RBMS3: variants seen among roughly 807,000 people sequenced by gnomAD.
RBMS3 encodes the protein RNA binding motif single stranded interacting protein 3.
A neutral mutation model predicts 66.8 loss-of-function variants in RBMS3; 27 were observed. The ratio of observed to expected loss-of-function variants is 0.40; its 90% CI spans 0.30 to 0.56. RBMS3 has a LOEUF of 0.56. Ranked by LOEUF, RBMS3 falls within the 20% of genes least tolerant of loss-of-function variation. RBMS3 has a pLI of 0.40. For synonymous variants in RBMS3, 188 were observed against 183.0 expected, an observed-to-expected ratio of 1.03 and a Z score of -0.22; for missense variants, 513 against 549.5, an observed-to-expected ratio of 0.93 and a Z score of 0.66.
At chr3:29,824,690 A>T (rs1310876060) in intron 6 of RBMS3, among the ~76,000 whole-genome samples, 1 of 152,200 alleles carries the variant, frequency 6.6e-6, no homozygotes, top group African/African-American at 2.4e-5. Flanking sequence ...GGTGAGGGTT[A>T]TATGTGTACA....
intron 3 of RBMS3, among the ~76,000 whole-genome samples, chr3:29,563,483 C>T (rs1393977700): frequency 1.2e-4 from 18 of 152,196 alleles, no homozygotes; most frequent in Non-Finnish European, 1.5e-5. Flanking sequence ...CAACAGCTAG[C>T]TGAAACCTCA....
rs5847581 is a variant in RBMS3 at position 29,580,682 on chromosome 3, T to TATAATA, written c.308-6409_308-6404dup. 1.5e-3 allele frequency among the ~76,000 whole-genome samples: 216 copies of TATAATA among 147,668 alleles called. 1 individual carries two copies. Among genetic ancestry groups the TATAATA allele is most frequent in the African/African-American group, 4.2e-3 (169 of 40,434 alleles). On this transcript the variant is annotated intron_variant, in intron 3 of 14. Coordinates refer to ENST00000383767, the MANE Select transcript of RBMS3 (RefSeq NM_001003793.3). ...AGTAGATGCTTAGTAAATTTAATAA[T>TATAATA]ATAATAATAATAATAATAATAATAA...
intron 4 of RBMS3, among the ~76,000 whole-genome samples, chr3:29,667,331 A>G (rs935981921): frequency 3.9e-5 from 6 of 152,152 alleles, no homozygotes; most frequent in African/African-American, 1.2e-4. Flanking sequence ...AATCTAATCT[A>G]TCCCAGTGGT....
intron 4 of RBMS3, among the ~76,000 whole-genome samples, chr3:29,641,826 C>G (rs116102135): frequency 6.6e-6 from 1 of 152,130 alleles, no homozygotes; most frequent in African/African-American, 2.4e-5. Context: ...ATGCTAAAGT[C>G]AGTGGTGTCC....
Position 30,006,599 on chromosome 3 carries a change from A to T in RBMS3, c.*2737A>T, listed in dbSNP as rs955873182. On this transcript the variant is annotated 3_prime_UTR_variant, in exon 15 of 15. Transcript: ENST00000383767. ...GGGCCCCAAAGTTTTTTGGGGTACAAAAAGACATGTATGAGAACCATATTT... is the reference window on the plus strand; with the variant it reads ...GGGCCCCAAAGTTTTTTGGGGTACATAAAGACATGTATGAGAACCATATTT... 2 of 151,928 alleles carry T rather than the reference A, an allele frequency of 1.3e-5. No homozygotes were observed. The highest frequency in any genetic ancestry group is 4.8e-5 in the African/African-American group (2 of 41,412). The allele number at this position is 151,928 out of a possible 1,614,324, so 9.4% of individuals were successfully genotyped here. A position where few individuals can be genotyped will look rare whatever the true frequency, so the allele number is the denominator to read the frequency against.
Position 29,397,809 on chromosome 3 carries a change from G to A in RBMS3, c.76-36934G>A, listed in dbSNP as rs542072097. Among the ~76,000 whole-genome samples, 13 of 152,040 alleles carry A rather than the reference G, an allele frequency of 8.6e-5. No individual in the cohort carries two copies. The South Asian group carries it at 1.0e-3, about 12-fold the overall frequency. ...AGCAATCCACCTGCCTCAGCCTCCC[G>A]AGCAGCTGGAACTATAGATGCATGT... On this transcript the variant is annotated intron_variant, in intron 1 of 14. Coordinates refer to ENST00000383767, the MANE Select transcript of RBMS3 (RefSeq NM_001003793.3).
At chr3:29,494,490 A>G (rs2043665796) in intron 3 of RBMS3, among the ~76,000 whole-genome samples, 1 of 152,230 alleles carries the variant, frequency 6.6e-6, no homozygotes, top group Non-Finnish European at 1.5e-5. Flanking sequence ...ATTGCTGAAC[A>G]AAGCGAGTAA....
chr3:29,648,216 A>G (rs190380349), intron 4 of RBMS3, among the ~76,000 whole-genome samples: 6 of 129,826 alleles, frequency 4.6e-5, no homozygotes, highest in Non-Finnish European at 8.1e-5. Context: ...ATTCAATTAT[A>G]TTTTCATTAA....
intron 1 of RBMS3, among the ~76,000 whole-genome samples, chr3:29,350,319 A>T (rs1316950177): frequency 6.6e-6 from 1 of 152,168 alleles, no homozygotes; most frequent in Non-Finnish European, 1.5e-5. Context: ...TTTGTTTGCA[A>T]ATTGAATGAT....
chr3:29,709,394 A>G (rs770311435), intron 4 of RBMS3, among the ~76,000 whole-genome samples: 1 of 152,352 alleles, frequency 6.6e-6, no homozygotes, highest in Non-Finnish European at 1.5e-5. Context: ...CCAAGCCTTC[A>G]TCTTTTCACC....
At chr3:29,320,564 ACAGT>A (rs2034948763) in intron 1 of RBMS3, among the ~76,000 whole-genome samples, 1 of 152,060 alleles carries the variant, frequency 6.6e-6, no homozygotes, top group Non-Finnish European at 1.5e-5. Flanking sequence ...CCCGAGAAAA[ACAGT>A]CAAAGAGAAT....
chr3:29,957,975 T>A (rs1696159085), intron 12 of RBMS3, among the ~76,000 whole-genome samples: 1 of 152,156 alleles, frequency 6.6e-6, no homozygotes, highest in African/African-American at 2.4e-5. Flanking sequence ...GAGCAAGTAA[T>A]GTCTTTTAGT....
intron 3 of RBMS3, among the ~76,000 whole-genome samples, chr3:29,519,959 A>G (rs2044789995): frequency 6.6e-6 from 1 of 152,146 alleles, no homozygotes; most frequent in African/African-American, 2.4e-5. Flanking sequence ...TAATGAATAC[A>G]TTTTTAGTAC....
chr3:29,608,845 G>A (rs1006848523), intron 4 of RBMS3, among the ~76,000 whole-genome samples: 1 of 151,990 alleles, frequency 6.6e-6, no homozygotes, highest in Non-Finnish European at 1.5e-5. Context: ...GTGTAAATAC[G>A]TCTCTCTTCT....
At chr3:29,344,357 G>A (rs1191744792) in intron 1 of RBMS3, among the ~76,000 whole-genome samples, 1 of 152,134 alleles carries the variant, frequency 6.6e-6, no homozygotes, top group Non-Finnish European at 1.5e-5. Flanking sequence ...TCACACAATA[G>A]CAATGGCTTA....
Position 29,385,198 on chromosome 3 carries a change from G to T in RBMS3, c.76-49545G>T, listed in dbSNP as rs565955599. 1.4e-4 allele frequency among the ~76,000 whole-genome samples: 22 copies of T among 152,232 alleles called. No individual in the cohort carries two copies. The South Asian group carries it at 4.4e-3, about 30-fold the overall frequency. ...AGAGAAAAATTAACCAGTTTGTTTTGGCAGGCTATTCTGGAGCACATGCTA... is the reference window on the plus strand; with the variant it reads ...AGAGAAAAATTAACCAGTTTGTTTTTGCAGGCTATTCTGGAGCACATGCTA... On this transcript the variant is annotated intron_variant, in intron 1 of 14. Coordinates refer to ENST00000383767, the MANE Select transcript of RBMS3 (RefSeq NM_001003793.3).
intron 3 of RBMS3, among the ~76,000 whole-genome samples, chr3:29,575,296 T>C (rs1036372170): frequency 5.3e-5 from 8 of 152,016 alleles, no homozygotes; most frequent in Non-Finnish European, 8.8e-5. Flanking sequence ...TTTTTTTTTT[T>C]CTTTCAGTAC....
intron 4 of RBMS3, among the ~76,000 whole-genome samples, chr3:29,691,592 T>C (rs1338439426): frequency 6.6e-6 from 1 of 152,142 alleles, no homozygotes; most frequent in Admixed American, 6.6e-5. Context: ...CCCACAGAAA[T>C]GCCCCAAAGG....
chr3:29,600,208 A>T (rs994774903), intron 4 of RBMS3, among the ~76,000 whole-genome samples: 12 of 152,074 alleles, frequency 7.9e-5, no homozygotes, highest in African/African-American at 2.9e-4. Context: ...GCAGAATGCC[A>T]ATATTTGCAC....
Sources: gnomAD v4.1 joint callset for allele counts (sites outside exome capture counted in the v4.1 genomes callset) on GRCh38, gnomAD v4.1.1 for gene constraint, MANE v1.5 for transcripts, NCBI Gene and HGNC (gene_info 2026-07-23, HGNC 2026-07-21) for gene names.